Variants in IFFO2 observed in about 807,000 individuals in gnomAD.
The protein encoded by IFFO2 is intermediate filament family orphan 2.
IFFO2 carries 19 observed loss-of-function variants against 53.5 expected under a neutral mutation model. That is an observed-to-expected ratio of 0.36 (90% confidence interval 0.25 to 0.52). IFFO2 has a LOEUF of 0.52. IFFO2 is among the 20% of genes least tolerant of loss of function. The pLI is 0.94. For synonymous variants in IFFO2, 303 were observed against 313.6 expected (o/e 0.97, Z 0.36); for missense variants, 570 against 727.4 (o/e 0.78, Z 2.49).
chr1:18,940,795 A>C (rs1936510122), intron 1 of IFFO2, among the ~76,000 whole-genome samples: 1 of 152,176 alleles, frequency 6.6e-6, no homozygotes, highest in African/African-American at 2.4e-5. Context: ...TTGTACGTAC[A>C]CGTGCAAATA....
At chr1:18,913,461 G>T (rs898965282) in intron 5 of IFFO2, among the ~76,000 whole-genome samples, 2 of 152,264 alleles carry the variant, frequency 1.3e-5, no homozygotes, top group Non-Finnish European at 2.9e-5. Context: ...CAGAAAGACG[G>T]GCAAGAGAAG....
At chr1:18,923,520 C>T (rs1482751581) in intron 1 of IFFO2, among the ~76,000 whole-genome samples, 1 of 152,206 alleles carries the variant, frequency 6.6e-6, no homozygotes, top group Non-Finnish European at 1.5e-5. Flanking sequence ...CCCACACACC[C>T]GGCTCACTGC....
rs1325237265 is a variant in IFFO2, at chr1:18,955,902, G to A, written c.431C>T (p.Pro144Leu). The A allele has an allele frequency of 1.5e-6, 2 of 1,342,862 alleles. No individual in the cohort carries two copies. The highest frequency in any genetic ancestry group is 1.9e-6 in the Non-Finnish European group (2 of 1,056,462). 83.2% of individuals were successfully genotyped at this position (1,342,862 alleles called of 1,614,324 possible). The change falls in exon 1 of 9, where the codon CCC becomes CTC. Residue 144 changes from proline to leucine, a missense_variant. Physicochemically the swap from Pro to Leu is moderately conservative, Grantham distance 98. Transcript: ENST00000455833. ...NANAVALGGL[P>L]PGGGSHPQHY... ...CTGCGGGTGCGAGCCGCCGCCGGGG[G>A]GCAGGCCGCCCAGGGCCACGGCATT...
intron 1 of IFFO2, among the ~76,000 whole-genome samples, chr1:18,935,448 A>G (rs116483219): frequency 0.016 from 2,372 of 151,266 alleles, 63 homozygotes; most frequent in African/African-American, 0.054. Flanking sequence ...CCTCCAAGGC[A>G]TGGGCTGCAT....
At chr1:18,952,329 C>G (rs1240922630) in intron 1 of IFFO2, among the ~76,000 whole-genome samples, 1 of 152,154 alleles carries the variant, frequency 6.6e-6, no homozygotes, top group Non-Finnish European at 1.5e-5. Context: ...TGACTGGGGC[C>G]AGGACCCAGG....
rs1935944837 is a variant in IFFO2, at chr1:18,906,125, T to C, written c.*2436A>G. On this transcript the variant is annotated 3_prime_UTR_variant, in exon 9 of 9. Transcript: ENST00000455833. ...GGAGGCAGGCCCATCACACTCTGGC[T>C]TTCCCTCTCCTACCCACCTGCCCCA... 3 of 152,150 alleles carry C rather than the reference T, an allele frequency of 2.0e-5. No individual in the cohort carries two copies. The East Asian group carries it at 5.8e-4, about 29-fold the overall frequency. 9.4% of individuals were successfully genotyped at this position (152,150 alleles called of 1,614,324 possible). A position where few individuals can be genotyped will look rare whatever the true frequency, so the allele number is the denominator to read the frequency against.
intron 1 of IFFO2, among the ~76,000 whole-genome samples, chr1:18,934,109 C>G (rs1936415760): frequency 8.1e-6 from 1 of 124,212 alleles, no homozygotes; most frequent in African/African-American, 3.3e-5. Flanking sequence ...CTCTGTTGCC[C>G]AGGCTGGAGT....
At chr1:18,922,321 G>T (rs757142381) in intron 1 of IFFO2, among the ~76,000 whole-genome samples, 1 of 152,112 alleles carries the variant, frequency 6.6e-6, no homozygotes, top group Non-Finnish European at 1.5e-5. Context: ...GACAGACAGA[G>T]GAGTTTCTTT....
chr1:18,946,329 C>T (rs1292698922), intron 1 of IFFO2, among the ~76,000 whole-genome samples: 1 of 151,508 alleles, frequency 6.6e-6, no homozygotes, highest in Admixed American at 6.6e-5. Context: ...GCAATGGGCA[C>T]GGCCCTTTCT....
rs1010679679 is a variant in IFFO2, at chr1:18,956,234, G to T, written c.99C>A (p.Gly33=). 1.8e-6 allele frequency: 2 copies of T among 1,087,164 alleles called. No individual in the cohort carries two copies. The highest frequency in any genetic ancestry group is 2.4e-6 in the Non-Finnish European group (2 of 849,920). 67.3% of individuals were successfully genotyped at this position (1,087,164 alleles called of 1,614,324 possible). Residue 33 remains glycine, a synonymous_variant, in exon 1 of 9, where the codon GGC becomes GGA. Coordinates refer to ENST00000455833, the MANE Select transcript of IFFO2 (RefSeq NM_001136265.2). This position sits in a 1 kb window ranked among gnomAD's most constrained non-coding sequence, Gnocchi z 6.4. ...GGCPGGGGGG[G]GAGPGPSPVT... is the part of the protein sequence containing the mutation. ...CCGGCGACGGACCCGGCCCTGCCCCGCCGCCGCCGCCGCCCCCGCCAGGGC... is the reference window on the plus strand; with the variant it reads ...CCGGCGACGGACCCGGCCCTGCCCCTCCGCCGCCGCCGCCCCCGCCAGGGC...
rs1935927898 is a variant in IFFO2 at position 18,905,081 on chromosome 1, A to G, written c.*3480T>C. 6.6e-6 allele frequency: 1 copy of G among 152,124 alleles called. No homozygotes were observed. The highest frequency in any genetic ancestry group is 1.5e-5 in the Non-Finnish European group (1 of 68,052). The allele number at this position is 152,124 out of a possible 1,614,324, so 9.4% of individuals were successfully genotyped here. On this transcript the variant is annotated 3_prime_UTR_variant, in exon 9 of 9. Coordinates refer to ENST00000455833, the MANE Select transcript of IFFO2 (RefSeq NM_001136265.2). ...CAGAGTAACTAATTAATCAGAGCCT[A>G]TCCCCAGAGCCCAGCTTGTTCCCTC...
Position 18,917,609 on chromosome 1 carries a change from C to T in IFFO2, c.964-567G>A, listed in dbSNP as rs1401249430. On this transcript the variant is annotated intron_variant, in intron 4 of 8. Transcript: ENST00000455833. The surrounding 1 kb of genome is among the most constrained non-coding windows in gnomAD (Gnocchi z 5.9). The stretch of plus-strand genomic sequence containing the variant: ...GGTGGAGAGAGGGCCCCAGGGAGGC[C>T]CAGATCTGGCCCAGCGACGTCAAAG... Among the ~76,000 whole-genome samples the T allele has an allele frequency of 6.6e-6, 1 of 152,158 alleles. No individual in the cohort carries two copies. The highest frequency in any genetic ancestry group is 1.5e-5 in the Non-Finnish European group (1 of 68,024).
intron 1 of IFFO2, among the ~76,000 whole-genome samples, chr1:18,930,348 A>C (rs1557644818): frequency 6.6e-6 from 1 of 152,170 alleles, no homozygotes; most frequent in Non-Finnish European, 1.5e-5. Context: ...CTTGAACCCA[A>C]GGCCATCTGA....
chr1:18,949,924 T>G (rs1936638888), intron 1 of IFFO2, among the ~76,000 whole-genome samples: 1 of 152,256 alleles, frequency 6.6e-6, no homozygotes, highest in Non-Finnish European at 1.5e-5. Context: ...CAGCGTCAGC[T>G]GTCTCCCTGC....
intron 1 of IFFO2, among the ~76,000 whole-genome samples, chr1:18,933,792 A>G (rs1936410297): frequency 6.6e-6 from 1 of 152,102 alleles, no homozygotes. Context: ...TATAACATAG[A>G]ATTTACCATC....
Position 18,928,272 on chromosome 1 carries a change from A to T in IFFO2, c.666-7151T>A, listed in dbSNP as rs1936330059. On this transcript the variant is annotated intron_variant, in intron 1 of 8. Coordinates refer to ENST00000455833, the MANE Select transcript of IFFO2 (RefSeq NM_001136265.2). This position sits in a 1 kb window ranked among gnomAD's most constrained non-coding sequence, Gnocchi z 4.9. ...CTCCATGGAGCCCCTGATCCCAAGG[A>T]AAGGCTGTCTCGCAGACGTGCCCAT... 6.6e-6 allele frequency among the ~76,000 whole-genome samples: 1 copy of T among 152,144 alleles called. No homozygotes were observed. Among genetic ancestry groups the T allele is most frequent in the Non-Finnish European group, 1.5e-5 (1 of 68,030 alleles).
rs1023997947 is a variant in IFFO2, at chr1:18,928,848, A to G, written c.666-7727T>C. Among the ~76,000 whole-genome samples, 1 of 152,132 alleles carries G rather than the reference A, an allele frequency of 6.6e-6. No individual in the cohort carries two copies. The highest frequency in any genetic ancestry group is 2.4e-5 in the African/African-American group (1 of 41,422). ...TTGCAGTGTTATTTGCACGCCCTGG[A>G]TAGGGCCCTTCCTTGGAGTCCAGAA... On this transcript the variant is annotated intron_variant, in intron 1 of 8. Transcript: ENST00000455833. This position sits in a 1 kb window ranked among gnomAD's most constrained non-coding sequence, Gnocchi z 4.9.
In IFFO2 at chr1:18,941,372, C is replaced by T. The variant is rs533437453; in HGVS notation, c.665+14296G>A. Among the ~76,000 whole-genome samples, 20 of 152,294 alleles carry T rather than the reference C, an allele frequency of 1.3e-4. No individual in the cohort carries two copies. The South Asian group carries it at 3.5e-3, about 27-fold the overall frequency. On this transcript the variant is annotated intron_variant, in intron 1 of 8. Coordinates refer to ENST00000455833, the MANE Select transcript of IFFO2 (RefSeq NM_001136265.2). ...GGGGGTGATGTGCTTGGACTTAAACCGGGCAGAAGCTACAAAGCAGCCTTT... is the reference window on the plus strand; with the variant it reads ...GGGGGTGATGTGCTTGGACTTAAACTGGGCAGAAGCTACAAAGCAGCCTTT...
At chr1:18,938,784 C>A in intron 1 of IFFO2, among the ~76,000 whole-genome samples, 1 of 3,902 alleles carries the variant, frequency 2.6e-4, no homozygotes, top group South Asian at 6.3e-3. Flanking sequence ...CTGGCCTGGC[C>A]CCCCCAGGGA....
Sources: gnomAD v4.1 joint callset for allele counts (sites outside exome capture counted in the v4.1 genomes callset) on GRCh38, gnomAD v4.1.1 for gene constraint, Gnocchi (gnomAD v3.1) non-coding constraint, MANE v1.5 for transcripts, NCBI Gene and HGNC (gene_info 2026-07-23, HGNC 2026-07-21) for gene names.